Variants in CA5A observed in about 807,000 individuals in gnomAD.
CA5A encodes carbonic anhydrase 5A, mitochondrial.
Under a neutral mutation model 37.1 loss-of-function variants are expected in CA5A, and 28 were observed. That is an observed-to-expected ratio of 0.75 (90% CI 0.56 to 1.03). CA5A has a LOEUF of 1.03. CA5A is among the 50% of genes least tolerant of loss of function. The pLI is 0.00. For synonymous variants in CA5A, 171 were observed against 158.4 expected (o/e 1.08, Z -0.60); for missense variants, 444 against 399.9 (o/e 1.11, Z -0.94).
At chr16:87,899,738 G>C (rs2055851058) in intron 5 of CA5A, among the ~76,000 whole-genome samples, 1 of 150,302 alleles carries the variant, frequency 6.7e-6, no homozygotes, top group Non-Finnish European at 1.5e-5. Flanking sequence ...TGGCCAACAT[G>C]GTGAAATCCC....
At chr16:87,909,021 C>T (rs558959226) in intron 2 of CA5A, among the ~76,000 whole-genome samples, 75 of 146,666 alleles carry the variant, frequency 5.1e-4, no homozygotes, top group Non-Finnish European at 9.8e-4. Flanking sequence ...TTAGTAGAGA[C>T]GGGGTTTCAC....
At chr16:87,900,431 A>C (rs2055862687) in intron 5 of CA5A, among the ~76,000 whole-genome samples, 1 of 152,192 alleles carries the variant, frequency 6.6e-6, no homozygotes, top group East Asian at 1.9e-4. Context: ...CGTCTCCTTG[A>C]ACCGCGAGGA....
At chr16:87,895,843 G>T (rs2055794314) in intron 5 of CA5A, among the ~76,000 whole-genome samples, 1 of 152,198 alleles carries the variant, frequency 6.6e-6, no homozygotes, top group South Asian at 2.1e-4. Context: ...TTAGAGCTGT[G>T]TCCTTTCTGA....
At chr16:87,929,832 A>C (rs914176342) in intron 1 of CA5A, among the ~76,000 whole-genome samples, 2 of 127,976 alleles carry the variant, frequency 1.6e-5, no homozygotes, top group Non-Finnish European at 3.1e-5. Context: ...AGATCGCGCC[A>C]CCGCACTCCA....
At chr16:87,932,419 A>G (rs1369657273) in intron 1 of CA5A, among the ~76,000 whole-genome samples, 1 of 152,102 alleles carries the variant, frequency 6.6e-6, no homozygotes, top group African/African-American at 2.4e-5. Context: ...CCCACCAACA[A>G]TGAAACACCC....
chr16:87,905,014 T>C (rs2055939018), intron 2 of CA5A, 110 bp from the exon 3 acceptor site: 1 of 735,606 alleles, frequency 1.4e-6, no homozygotes, highest in Non-Finnish European at 2.5e-6. Flanking sequence ...TCGCAAGGGG[T>C]TGCTGTATGG....
intron 5 of CA5A, among the ~76,000 whole-genome samples, chr16:87,896,854 C>T (rs57728523): frequency 0.013 from 1,974 of 152,270 alleles, 47 homozygotes; most frequent in African/African-American, 0.045. Flanking sequence ...TGGTCAGGCT[C>T]GTCTCAAACT....
intron 5 of CA5A, among the ~76,000 whole-genome samples, chr16:87,898,729 A>ATT (rs59375883): frequency 0.054 from 6,149 of 114,926 alleles, 159 homozygotes; most frequent in Middle Eastern, 0.1. Flanking sequence ...TCTAGTGTGG[A>ATT]TTTTTTTTTT....
At chr16:87,927,962 A>G (rs952138945) in intron 1 of CA5A, among the ~76,000 whole-genome samples, 1 of 152,044 alleles carries the variant, frequency 6.6e-6, no homozygotes, top group African/African-American at 2.4e-5. Flanking sequence ...CTGTGCAATA[A>G]CCTCATGCTA....
chr16:87,924,657 C>A (rs2056277895), intron 2 of CA5A, among the ~76,000 whole-genome samples: 1 of 152,250 alleles, frequency 6.6e-6, no homozygotes, highest in African/African-American at 2.4e-5. Context: ...AGCTGGGACG[C>A]AGCTGGGCAG....
chr16:87,926,638 CA>C, intron 2 of CA5A, 109 bp downstream of exon 2: 1 of 847,982 alleles, frequency 1.2e-6, no homozygotes, highest in Admixed American at 2.2e-5. Flanking sequence ...CCCAGCAGCA[CA>C]AGGAAAGCAG....
chr16:87,904,694 C>G, intron 3 of CA5A, 92 bp downstream of exon 3: 1 of 773,462 alleles, frequency 1.3e-6, no homozygotes, highest in Non-Finnish European at 2.2e-6. Flanking sequence ...TCCTTCACAT[C>G]TGAGCGGCGC....
At chr16:87,889,720 G>A (rs898841828) in intron 6 of CA5A, among the ~76,000 whole-genome samples, 9 of 151,834 alleles carry the variant, frequency 5.9e-5, no homozygotes, top group South Asian at 4.2e-4. Context: ...TGTGGTGAGC[G>A]AGATCACGCC....
At chr16:87,892,056 G>A (rs2055724774) in intron 5 of CA5A, 102 bp from the exon 6 acceptor site, 4 of 1,137,564 alleles carry the variant, frequency 3.5e-6, no homozygotes, top group South Asian at 1.7e-5. Flanking sequence ...GGAAGGAAGT[G>A]CTTTCCCCCA....
At chr16:87,900,789 G>A (rs2143942686) in intron 5 of CA5A, among the ~76,000 whole-genome samples, 1 of 152,336 alleles carries the variant, frequency 6.6e-6, no homozygotes, top group South Asian at 2.1e-4. Flanking sequence ...GTGCTGGGTG[G>A]TACATGAGTC....
At chr16:87,893,223 G>A in intron 5 of CA5A, 1 of 416,566 alleles carries the variant, frequency 2.4e-6, no homozygotes, top group Admixed American at 3.8e-5. Context: ...TGCTTCCTGG[G>A]TTCCAGCGAT....
intron 5 of CA5A, chr16:87,893,262 G>C (rs1009642756): frequency 9.4e-6 from 4 of 423,542 alleles, no homozygotes; most frequent in African/African-American, 6.2e-5. Context: ...CTAGTAGCTG[G>C]GACTACATCT....
chr16:87,914,549 T>C (rs1166393654), intron 2 of CA5A, among the ~76,000 whole-genome samples: 1 of 152,034 alleles, frequency 6.6e-6, no homozygotes, highest in Non-Finnish European at 1.5e-5. Context: ...CAGAGCCGTC[T>C]GAACACAGCT....
rs2055664840 is a variant in CA5A, at chr16:87,888,192, T to C, written c.855A>G (p.Gln285=). ...KMMVNNYRPL[Q]PLMNRKVWAS... Reference sequence around the variant, plus strand: ...CCCAGACCTTCCGGTTCATCAAGGGTTGAAGTGGGCGATAGTTGTTCACCA... The same window carrying C: ...CCCAGACCTTCCGGTTCATCAAGGGCTGAAGTGGGCGATAGTTGTTCACCA... Residue 285 remains glutamine (Q), a synonymous_variant, in exon 7 of 7, where the codon CAA becomes CAG. Coordinates refer to ENST00000649794, the MANE Select transcript of CA5A (RefSeq NM_001739.2). 3 of 1,613,890 alleles carry C rather than the reference T, an allele frequency of 1.9e-6. No individual in the cohort carries two copies. Among genetic ancestry groups the C allele is most frequent in the Non-Finnish European group, 2.5e-6 (3 of 1,179,846 alleles).
Sources: gnomAD v4.1 joint callset for allele counts (sites outside exome capture counted in the v4.1 genomes callset) on GRCh38, gnomAD v4.1.1 for gene constraint, MANE v1.5 for transcripts, NCBI Gene and HGNC (gene_info 2026-07-23, HGNC 2026-07-21) for gene names.